DAGLA: variants seen among roughly 807,000 people sequenced by gnomAD.
DAGLA encodes the protein diacylglycerol lipase-alpha.
In DAGLA, 22 loss-of-function variants were observed where a neutral mutation model predicts 102.6. The observed-to-expected ratio is 0.21, with a 90% CI of 0.15 to 0.31. The LOEUF is 0.31. DAGLA is among the 10% of genes least tolerant of loss of function. The pLI, the probability that DAGLA is intolerant of heterozygous loss-of-function variation, is 1.00. For synonymous variants in DAGLA, 578 were observed against 628.9 expected (o/e 0.92, Z 1.21); for missense variants, 927 against 1,446.6 (o/e 0.64, Z 5.83).
rs199764983 is a variant in DAGLA, at chr11:61,744,409, G to C, written c.3049G>C (p.Asp1017His). ...CAGTAGCCAGGAATGCCTGGCGGCT[G>C]ACAAGATCCGGACTTCTACCCCCAC... is the stretch of plus-strand genomic sequence containing the variant. The part of the protein sequence containing the change: ...GLSSQECLAA[D>H]KIRTSTPTGH... The change falls in exon 20 of 20, where the codon GAC becomes CAC. Residue 1017 changes from aspartate (D) to histidine (H), a missense_variant. Transcript: ENST00000257215. 1.4e-5 allele frequency: 23 copies of C among 1,610,594 alleles called. No individual in the cohort carries two copies. In the East Asian group the frequency reaches 5.1e-4, roughly 36 times the overall value.
At chr11:61,714,191 G>A (rs1018577369) in intron 1 of DAGLA, among the ~76,000 whole-genome samples, 3 of 152,196 alleles carry the variant, frequency 2.0e-5, no homozygotes, top group Non-Finnish European at 4.4e-5. Flanking sequence ...ATTTACTGGG[G>A]CCTAGAGGGG....
At chr11:61,740,659 G>A (rs1221022384) in intron 18 of DAGLA, 67 bp downstream of exon 18, 2 of 1,578,764 alleles carry the variant, frequency 1.3e-6, no homozygotes, top group African/African-American at 1.3e-5. Context: ...AACCCCGTAA[G>A]CACCATCAGA....
intron 1 of DAGLA, among the ~76,000 whole-genome samples, chr11:61,718,277 G>A (rs1004660523): frequency 2.0e-5 from 3 of 151,828 alleles, no homozygotes; most frequent in Admixed American, 6.6e-5. Flanking sequence ...CAGCACCTGC[G>A]GGGGCGTACT....
chr11:61,741,180 A>C lies in DAGLA; in HGVS notation c.2002A>C (p.Lys668Gln), dbSNP rs1174658923. 1 of 1,613,060 alleles carries C rather than the reference A, an allele frequency of 6.2e-7. No homozygotes were observed. Among genetic ancestry groups the C allele is most frequent in the Non-Finnish European group, 8.5e-7 (1 of 1,179,878 alleles). The change falls in exon 19 of 20, where the codon AAG becomes CAG. Residue 668 changes from lysine to glutamine, a missense_variant. This residue lies in a region of DAGLA where 218 missense variants were observed against 459.6 expected (regional missense o/e 0.47). Coordinates refer to ENST00000257215, the MANE Select transcript of DAGLA (RefSeq NM_006133.3). Reference protein sequence around the residue: ...GLNKVLENYNKGKTALLSAAK... With the variant: ...GLNKVLENYNQGKTALLSAAK... ...TCCTCAGGTGCTGGAGAACTACAAC[A>C]AGGGGAAGACCGCTCTGCTCTCTGC...
intron 1 of DAGLA, among the ~76,000 whole-genome samples, chr11:61,707,723 G>A (rs79250201): frequency 0.011 from 1,694 of 152,312 alleles, 21 homozygotes; most frequent in Non-Finnish European, 0.015. Context: ...CAAAGCAAGC[G>A]GGGCCATCTG....
intron 8 of DAGLA, among the ~76,000 whole-genome samples, chr11:61,729,610 C>G (rs960679422): frequency 1.3e-5 from 2 of 152,176 alleles, no homozygotes; most frequent in African/African-American, 4.8e-5. Context: ...GCTGCGACCT[C>G]CAGCAGGCCC....
At position 61,682,856 on chromosome 11, in the gene DAGLA, G is replaced by GC. The variant is rs946244080; in HGVS notation, c.-45+2352_-45+2353insC. Among the ~76,000 whole-genome samples the GC allele has an allele frequency of 6.1e-5, 9 of 148,386 alleles. No homozygotes were observed. The East Asian group carries it at 1.4e-3, about 22-fold the overall frequency. ...GAGGCTGGATGGCAGGGGGACGGGG[G>GC]GGGGAGGTGTGGAGGATGCCCTCAG... On this transcript the variant is annotated intron_variant, in intron 1 of 19. Transcript: ENST00000257215.
chr11:61,731,282 C>T, intron 8 of DAGLA, 35 bp from the exon 9 acceptor site: 1 of 1,610,658 alleles, frequency 6.2e-7, no homozygotes, highest in Non-Finnish European at 8.5e-7. Flanking sequence ...GCAGGAAGGG[C>T]AGGAGGTGAC....
rs1247280449 is a variant in DAGLA at position 61,680,400 on chromosome 11, G to C, written c.-149G>C. The C allele has an allele frequency of 6.6e-6, 1 of 151,106 alleles. No homozygotes were observed. The highest frequency in any genetic ancestry group is 1.5e-5 in the Non-Finnish European group (1 of 67,768). 9.4% of individuals were successfully genotyped at this position (151,106 alleles called of 1,614,324 possible). ...GGGGGGCGGAGGCGGCCTTCGCGCC[G>C]GCGCCGGCGCCCTGCGGAAGCGGCG... On this transcript the variant is annotated 5_prime_UTR_variant, in exon 1 of 20. Coordinates refer to ENST00000257215, the MANE Select transcript of DAGLA (RefSeq NM_006133.3).
chr11:61,713,589 C>T (rs1389639153), intron 1 of DAGLA, among the ~76,000 whole-genome samples: 1 of 152,230 alleles, frequency 6.6e-6, no homozygotes, highest in African/African-American at 2.4e-5. Context: ...GTCCTGCAGC[C>T]ACAGTGAACA....
At chr11:61,742,610 G>A (rs969479965) in intron 19 of DAGLA, among the ~76,000 whole-genome samples, 4 of 152,174 alleles carry the variant, frequency 2.6e-5, no homozygotes, top group African/African-American at 7.2e-5. Context: ...AGAGGGCTGC[G>A]GCCCATGGGA....
At chr11:61,726,791 C>G (rs1279710193) in intron 6 of DAGLA, among the ~76,000 whole-genome samples, 1 of 152,246 alleles carries the variant, frequency 6.6e-6, no homozygotes, top group Non-Finnish European at 1.5e-5. Context: ...CAGCAAAGTG[C>G]CTTCCACGGA....
At chr11:61,694,482 G>T (rs913978342) in intron 1 of DAGLA, among the ~76,000 whole-genome samples, 12 of 152,334 alleles carry the variant, frequency 7.9e-5, no homozygotes, top group African/African-American at 2.9e-4. Flanking sequence ...ATAGCAGAGG[G>T]CCGGGGTGCC....
At chr11:61,732,751 C>G (rs1221857130) in intron 9 of DAGLA, among the ~76,000 whole-genome samples, 1 of 152,182 alleles carries the variant, frequency 6.6e-6, no homozygotes, top group African/African-American at 2.4e-5. Context: ...AGGCCTGCAG[C>G]CCAGGGTGTT....
At chr11:61,739,695 T>C (rs1565264879) in intron 17 of DAGLA, 34 bp downstream of exon 17, 1 of 1,603,056 alleles carries the variant, frequency 6.2e-7, no homozygotes, top group Non-Finnish European at 8.5e-7. Flanking sequence ...CTGCAGGGGG[T>C]AGTGGCCAGG....
Position 61,692,300 on chromosome 11 carries a change from G to T in DAGLA, c.-45+11796G>T, listed in dbSNP as rs1005695042. Among the ~76,000 whole-genome samples the T allele has an allele frequency of 4.6e-5, 7 of 152,272 alleles. No homozygotes were observed. The East Asian group carries it at 1.4e-3, about 29-fold the overall frequency. Reference sequence around the variant, plus strand: ...TCGCTGGGAGGGGAGCCTGCAGCCAGCTCTGGAAGTTCTGCTTATGCACAC... The same window carrying T: ...TCGCTGGGAGGGGAGCCTGCAGCCATCTCTGGAAGTTCTGCTTATGCACAC... On this transcript the variant is annotated intron_variant, in intron 1 of 19. Transcript: ENST00000257215.
At chr11:61,717,178 G>A (rs943099640) in intron 1 of DAGLA, among the ~76,000 whole-genome samples, 6 of 152,122 alleles carry the variant, frequency 3.9e-5, no homozygotes, top group South Asian at 2.1e-4. Context: ...TGCCCTCCCC[G>A]CTCCTGAGAC....
chr11:61,735,566 T>C lies in DAGLA; in HGVS notation c.1134T>C (p.Tyr378=), dbSNP rs1591051085. The change falls in exon 11 of 20, where the codon TAT becomes TAC. Residue 378 remains tyrosine (Y), a synonymous_variant. Transcript: ENST00000257215. ...ACGAGCTGCCCGCCTCCTAGGTCTA[T>C]GAAACGCCCTTCTACGTGGCGGTGG... ...IVYTSCHDAV[Y]ETPFYVAVDH... The C allele has an allele frequency of 2.5e-6, 4 of 1,613,972 alleles. No individual in the cohort carries two copies. The highest frequency in any genetic ancestry group is 2.2e-5 in the East Asian group (1 of 44,872).
intron 19 of DAGLA, among the ~76,000 whole-genome samples, 163 bp from the exon 20 acceptor site, chr11:61,743,362 CAAAAAAA>C (rs374336921): frequency 1.3e-4 from 7 of 51,964 alleles, no homozygotes; most frequent in East Asian, 6.3e-4. Context: ...GACTCTGTCT[CAAAAAAA>C]AAAAAAAAAA....
Sources: gnomAD v4.1 joint callset for allele counts (sites outside exome capture counted in the v4.1 genomes callset) on GRCh38, gnomAD v4.1.1 for gene constraint, gnomAD v4.1.1 regional missense constraint, MANE v1.5 for transcripts, NCBI Gene and HGNC (gene_info 2026-07-23, HGNC 2026-07-21) for gene names.